The following DISC1 variants were observed in gnomAD, a reference collection of about 807,000 sequenced individuals.
DISC1 encodes the protein DISC1 scaffold protein, also known as disrupted in schizophrenia 1 protein.
In DISC1, 57 loss-of-function variants were observed where a neutral mutation model predicts 84.5. The ratio of observed to expected loss-of-function variants is 0.67; its 90% CI spans 0.55 to 0.84. DISC1 has a LOEUF of 0.84. Among genes scored for constraint, DISC1 ranks in the 40% least tolerant of loss-of-function variants. The pLI, the probability that DISC1 is intolerant of heterozygous loss-of-function variation, is 0.00. For synonymous variants in DISC1, 411 were observed against 415.2 expected (o/e 0.99, Z 0.12); for missense variants, 1,000 against 1,057.8 (o/e 0.95, Z 0.76).
chr1:231,703,564 A>G (rs975509251), intron 3 of DISC1, among the ~76,000 whole-genome samples: 1 of 152,208 alleles, frequency 6.6e-6, no homozygotes, highest in Non-Finnish European at 1.5e-5. Context: ...ATGCAGTGAA[A>G]AAGTAGGCCA....
chr1:232,021,414 C>G (rs1452798821), intron 11 of DISC1, among the ~76,000 whole-genome samples: 1 of 151,972 alleles, frequency 6.6e-6, no homozygotes, highest in Admixed American at 6.6e-5. Context: ...ATAACTTACA[C>G]ATTGAACTAG....
intron 9 of DISC1, among the ~76,000 whole-genome samples, chr1:231,948,028 A>G (rs955865269): frequency 2.6e-5 from 4 of 152,206 alleles, no homozygotes; most frequent in Middle Eastern, 3.2e-3. Flanking sequence ...AATTAATTCA[A>G]CCATTGTGGA....
intron 9 of DISC1, among the ~76,000 whole-genome samples, chr1:231,894,053 A>G (rs1343023059): frequency 6.6e-6 from 1 of 152,174 alleles, no homozygotes; most frequent in Non-Finnish European, 1.5e-5. Flanking sequence ...AAGTATGGGA[A>G]GTGAAAAGAA....
intron 3 of DISC1, among the ~76,000 whole-genome samples, chr1:231,720,693 T>A (rs1185058409): frequency 6.6e-6 from 1 of 152,146 alleles, no homozygotes; most frequent in East Asian, 1.9e-4. Context: ...TTGACTACTT[T>A]TAGTTTTCTA....
chr1:231,720,110 G>T (rs2069436768), intron 3 of DISC1, among the ~76,000 whole-genome samples: 1 of 152,060 alleles, frequency 6.6e-6, no homozygotes, highest in Non-Finnish European at 1.5e-5. Flanking sequence ...TATACCCAAG[G>T]GTGCCTTAGG....
chr1:231,810,920 C>T lies in DISC1; in HGVS notation c.1793-7409C>T, dbSNP rs113808384. 9.9e-5 allele frequency among the ~76,000 whole-genome samples: 15 copies of T among 152,220 alleles called. 2 individuals carry two copies. Among genetic ancestry groups the T allele is most frequent in the African/African-American group, 3.6e-4 (15 of 41,524 alleles). On this transcript the variant is annotated intron_variant, in intron 8 of 12. Transcript: ENST00000439617. ...GTCTGATTTAGAGCAGGCCAGCTTCCGGGGTTGCTTTTTGTGGGTAAGGGT... is the reference window on the plus strand; with the variant it reads ...GTCTGATTTAGAGCAGGCCAGCTTCTGGGGTTGCTTTTTGTGGGTAAGGGT...
chr1:231,784,119 C>T (rs970169842), intron 6 of DISC1, among the ~76,000 whole-genome samples: 9 of 152,086 alleles, frequency 5.9e-5, no homozygotes, highest in Admixed American at 1.3e-4. Flanking sequence ...AAAAATTATC[C>T]GGGCATGGTG....
chr1:231,715,009 A>T (rs1329849435), intron 3 of DISC1, among the ~76,000 whole-genome samples: 1 of 152,206 alleles, frequency 6.6e-6, no homozygotes, highest in Non-Finnish European at 1.5e-5. Context: ...GCAATTGAAG[A>T]CTTTTGAATT....
intron 9 of DISC1, among the ~76,000 whole-genome samples, chr1:231,934,757 A>G (rs910364612): frequency 6.6e-6 from 1 of 152,210 alleles, no homozygotes; most frequent in Non-Finnish European, 1.5e-5. Context: ...GTTCCATTTC[A>G]TAGTTACACC....
intron 9 of DISC1, among the ~76,000 whole-genome samples, chr1:231,824,518 C>T (rs1417573106): frequency 9.2e-5 from 14 of 151,918 alleles, no homozygotes; most frequent in Non-Finnish European, 1.8e-4. Context: ...CCATTTTTTC[C>T]TTTCCAGTTA....
At chr1:231,722,576 G>A (rs771718802) in intron 3 of DISC1, 12 of 1,613,956 alleles carry the variant, frequency 7.4e-6, no homozygotes, top group Middle Eastern at 1.6e-4. Context: ...TGGAAGCCTC[G>A]ACATCCTGAA....
chr1:231,695,064 G>GC (rs2065471885), intron 2 of DISC1, among the ~76,000 whole-genome samples: 1 of 152,230 alleles, frequency 6.6e-6, no homozygotes, highest in African/African-American at 2.4e-5. Flanking sequence ...TCCTCTGCAG[G>GC]CCCCGGCTTA....
intron 1 of DISC1, among the ~76,000 whole-genome samples, chr1:231,671,296 A>AT (rs550472799): frequency 0.018 from 2,634 of 147,252 alleles, 74 homozygotes; most frequent in African/African-American, 0.062. Flanking sequence ...CCTTTTCATT[A>AT]TTTTTTTTTT....
chr1:231,950,268 A>G (rs1283217664), intron 9 of DISC1, among the ~76,000 whole-genome samples: 1 of 148,546 alleles, frequency 6.7e-6, no homozygotes, highest in Non-Finnish European at 1.5e-5. Context: ...TTTCAGGGAA[A>G]TAACAGGAGA....
chr1:231,855,722 C>T lies in DISC1; in HGVS notation c.1981+37205C>T, dbSNP rs188214989. Among the ~76,000 whole-genome samples, 460 of 152,268 alleles carry T rather than the reference C, an allele frequency of 3.0e-3. 1 individual carries two copies. Among genetic ancestry groups the T allele is most frequent in the Non-Finnish European group, 4.6e-3 (310 of 68,022 alleles). On this transcript the variant is annotated intron_variant, in intron 9 of 12. Coordinates refer to ENST00000439617, the MANE Select transcript of DISC1 (RefSeq NM_018662.3). ...GGTGATTATATCCAAAGGGAAGTGACGTTTCCCCTTCTTTCTCTTCAGTTG... is the reference window on the plus strand; with the variant it reads ...GGTGATTATATCCAAAGGGAAGTGATGTTTCCCCTTCTTTCTCTTCAGTTG...
At chr1:231,778,844 ACGGATTC>A in intron 6 of DISC1, among the ~76,000 whole-genome samples, 1 of 152,118 alleles carries the variant, frequency 6.6e-6, no homozygotes, top group East Asian at 1.9e-4. Flanking sequence ...CAACCACTGA[ACGGATTC>A]CCTCTTGGCC....
rs1162282774 is a variant in DISC1, at chr1:231,826,416, ACATCCTGAAAAGACGGGTATTTTTTTTT to A, written c.1981+7903_1981+7930del. Among the ~76,000 whole-genome samples the A allele has an allele frequency of 1.3e-5, 2 of 152,222 alleles. No individual in the cohort carries two copies. Among genetic ancestry groups the A allele is most frequent in the Non-Finnish European group, 2.9e-5 (2 of 68,038 alleles). ...AAAAGTCATCTATTGATGATGTTGAACATCCTGAAAAGACGGGTATTTTTTTTTCATTTTTGAAGTTTTCAAGCACCCT... is the reference window on the plus strand; with the variant it reads ...AAAAGTCATCTATTGATGATGTTGAACATTTTTGAAGTTTTCAAGCACCCT... On this transcript the variant is annotated intron_variant, in intron 9 of 12. Transcript: ENST00000439617. This position sits in a 1 kb window ranked among gnomAD's most constrained non-coding sequence, Gnocchi z 4.2.
At chr1:231,855,350 CA>C in intron 9 of DISC1, 1 of 975,952 alleles carries the variant, frequency 1.0e-6, no homozygotes, top group Non-Finnish European at 1.2e-6. Flanking sequence ...TTAAACAGTA[CA>C]TTAAAAAGAC....
chr1:231,907,321 C>T (rs1209803948), intron 9 of DISC1, among the ~76,000 whole-genome samples: 2 of 151,580 alleles, frequency 1.3e-5, no homozygotes, highest in African/African-American at 4.9e-5. Flanking sequence ...CCCCACTCCC[C>T]CCACCCCACA....
Sources: gnomAD v4.1 joint callset for allele counts (sites outside exome capture counted in the v4.1 genomes callset) on GRCh38, gnomAD v4.1.1 for gene constraint, Gnocchi (gnomAD v3.1) non-coding constraint, MANE v1.5 for transcripts, NCBI Gene and HGNC (gene_info 2026-07-23, HGNC 2026-07-21) for gene names.